MGLL: variants seen among roughly 807,000 people sequenced by gnomAD.
The protein encoded by MGLL is monoglyceride lipase, also known as lysophospholipase homolog.
A neutral mutation model predicts 29.1 loss-of-function variants in MGLL; 7 were observed. The ratio of observed to expected loss-of-function variants is 0.24; its 90% CI spans 0.14 to 0.45. The LOEUF (loss-of-function observed/expected upper bound fraction) is 0.45. Ranked by LOEUF, MGLL falls within the 20% of genes least tolerant of loss-of-function variation. The pLI is 0.99. For synonymous variants in MGLL, 148 were observed against 168.3 expected, an observed-to-expected ratio of 0.88 and a Z score of 0.93; for missense variants, 356 against 413.6, an observed-to-expected ratio of 0.86 and a Z score of 1.21.
intron 6 of MGLL, among the ~76,000 whole-genome samples, chr3:127,702,643 C>G (rs9828443): frequency 2.0e-5 from 3 of 152,226 alleles, no homozygotes; most frequent in Non-Finnish European, 4.4e-5. Flanking sequence ...ATTCTTTCCG[C>G]CAAATTACTT....
intron 5 of MGLL, chr3:127,711,447 G>A (rs987852508): frequency 6.6e-6 from 1 of 151,994 alleles, no homozygotes; most frequent in Non-Finnish European, 1.5e-5. Flanking sequence ...TGGATCTCTT[G>A]TTTTCCCAGG....
At position 127,694,967 on chromosome 3, in the gene MGLL, C is replaced by A; in HGVS notation, c.816+8G>T. 2 of 1,613,392 alleles carry A rather than the reference C, an allele frequency of 1.2e-6. No individual in the cohort carries two copies. The highest frequency in any genetic ancestry group is 1.7e-6 in the Non-Finnish European group (2 of 1,179,738). On this transcript the variant is annotated splice_region_variant and intron_variant, in intron 7 of 7. Transcript: ENST00000265052. ...TTGGGGGGAAGTGGGCAAGTGGCAGCCGCTCACCTTGAGAGTCTTGTCCTG... is the reference window on the plus strand; with the variant it reads ...TTGGGGGGAAGTGGGCAAGTGGCAGACGCTCACCTTGAGAGTCTTGTCCTG...
intron 6 of MGLL, among the ~76,000 whole-genome samples, chr3:127,700,963 C>G (rs2075468132): frequency 6.6e-6 from 1 of 151,816 alleles, no homozygotes; most frequent in Admixed American, 6.6e-5. Flanking sequence ...GCCTGTAATC[C>G]CAGCACTTTG....
chr3:127,749,811 A>C (rs1170263110), intron 3 of MGLL, among the ~76,000 whole-genome samples: 1 of 152,144 alleles, frequency 6.6e-6, no homozygotes, highest in African/African-American at 2.4e-5. Flanking sequence ...GAGGGGGTTT[A>C]CTGTTTTAGA....
intron 2 of MGLL, among the ~76,000 whole-genome samples, chr3:127,783,315 G>C (rs1336380336): frequency 6.6e-6 from 1 of 152,150 alleles, no homozygotes; most frequent in Non-Finnish European, 1.5e-5. Flanking sequence ...CTCGGCGGAG[G>C]CTCCCAGTGC....
intron 6 of MGLL, among the ~76,000 whole-genome samples, chr3:127,704,858 T>G (rs2075569004): frequency 6.6e-6 from 1 of 152,144 alleles, no homozygotes; most frequent in Non-Finnish European, 1.5e-5. Flanking sequence ...GCAATCCCTT[T>G]GGGTATTACT....
At chr3:127,767,766 T>C (rs751651378) in intron 3 of MGLL, among the ~76,000 whole-genome samples, 3 of 152,354 alleles carry the variant, frequency 2.0e-5, no homozygotes, top group Admixed American at 6.5e-5. Context: ...GTTTTAGCTA[T>C]TAAGCAATAG....
At chr3:127,696,992 G>T (rs1559904763) in intron 6 of MGLL, among the ~76,000 whole-genome samples, 1 of 152,258 alleles carries the variant, frequency 6.6e-6, no homozygotes, top group Non-Finnish European at 1.5e-5. Flanking sequence ...AGTCACCCCT[G>T]CCATCCCTGG....
chr3:127,736,126 A>T (rs2076238442), intron 3 of MGLL: 1 of 1,126,958 alleles, frequency 8.9e-7, no homozygotes. Flanking sequence ...GCTCAGGGTC[A>T]GTCAAACCTA....
intron 2 of MGLL, among the ~76,000 whole-genome samples, chr3:127,810,595 C>T (rs2077645794): frequency 6.6e-6 from 1 of 152,220 alleles, no homozygotes; most frequent in Admixed American, 6.5e-5. Flanking sequence ...ATGGCACTGC[C>T]TCCCTGACAA....
intron 3 of MGLL, among the ~76,000 whole-genome samples, chr3:127,731,642 C>A (rs1029459908): frequency 2.6e-5 from 4 of 152,142 alleles, no homozygotes; most frequent in African/African-American, 9.7e-5. Context: ...CCCTGAAATT[C>A]TTCAAACTAA....
At chr3:127,720,762 G>A (rs1485584132) in intron 5 of MGLL, among the ~76,000 whole-genome samples, 1 of 152,180 alleles carries the variant, frequency 6.6e-6, no homozygotes, top group Non-Finnish European at 1.5e-5. Context: ...TAACAAACGT[G>A]ACTTTGCTGG....
Position 127,692,086 on chromosome 3 carries a change from A to G in MGLL, c.*112T>C. 1 of 1,221,148 alleles carries G rather than the reference A, an allele frequency of 8.2e-7. No homozygotes were observed. Among genetic ancestry groups the G allele is most frequent in the Non-Finnish European group, 1.1e-6 (1 of 880,382 alleles). 75.6% of individuals were successfully genotyped at this position (1,221,148 alleles called of 1,614,324 possible). Reference sequence around the variant, plus strand: ...AGAAAATTGTGCTAAGGATTTCTCCAATTTCTGATTTTTTTTTTTTTTTTT... The same window carrying G: ...AGAAAATTGTGCTAAGGATTTCTCCGATTTCTGATTTTTTTTTTTTTTTTT... On this transcript the variant is annotated 3_prime_UTR_variant, in exon 8 of 8. Coordinates refer to ENST00000265052, the MANE Select transcript of MGLL (RefSeq NM_007283.7).
At chr3:127,795,284 C>G (rs2077365957) in intron 2 of MGLL, among the ~76,000 whole-genome samples, 1 of 151,998 alleles carries the variant, frequency 6.6e-6, no homozygotes, top group Admixed American at 6.6e-5. Context: ...CAAATTAATG[C>G]AGGAACAGAA....
At chr3:127,769,971 A>G (rs1358712614) in intron 3 of MGLL, among the ~76,000 whole-genome samples, 1 of 152,194 alleles carries the variant, frequency 6.6e-6, no homozygotes, top group East Asian at 1.9e-4. Context: ...GCCCTTCCCC[A>G]GGCCGCTCTG....
intron 3 of MGLL, among the ~76,000 whole-genome samples, chr3:127,764,811 C>G (rs892251718): frequency 2.0e-5 from 3 of 152,162 alleles, no homozygotes; most frequent in Non-Finnish European, 4.4e-5. Flanking sequence ...GTCACCCCAA[C>G]ATAGCCAATA....
chr3:127,781,557 C>T (rs973768572), intron 3 of MGLL, among the ~76,000 whole-genome samples: 2 of 152,218 alleles, frequency 1.3e-5, no homozygotes, highest in African/African-American at 2.4e-5. Flanking sequence ...TGAACATATC[C>T]GACTTTGTTT....
At chr3:127,818,473 T>G (rs568763790) in intron 2 of MGLL, among the ~76,000 whole-genome samples, 2 of 152,152 alleles carry the variant, frequency 1.3e-5, no homozygotes, top group Non-Finnish European at 2.9e-5. Context: ...TCTTCTGAGT[T>G]TCTGGGGCTA....
At chr3:127,764,848 GC>G (rs1235220546) in intron 3 of MGLL, among the ~76,000 whole-genome samples, 2 of 152,058 alleles carry the variant, frequency 1.3e-5, no homozygotes, top group East Asian at 3.9e-4. Flanking sequence ...TGTGGGTCAG[GC>G]CCCCCACATA....
Sources: allele counts gnomAD v4.1 joint callset (sites outside exome capture counted in the v4.1 genomes callset), GRCh38; gene constraint gnomAD v4.1.1; transcripts MANE v1.5; gene names NCBI Gene and HGNC (gene_info 2026-07-23, HGNC 2026-07-21).